TNN: variants seen among roughly 807,000 people sequenced by gnomAD.
TNN encodes tenascin N, also known as tenascin-N.
TNN carries 122 observed loss-of-function variants against 134.4 expected under a neutral mutation model. The observed-to-expected ratio is 0.91, with a 90% CI of 0.78 to 1.06. The LOEUF (loss-of-function observed/expected upper bound fraction) is 1.06, where lower values mean the gene tolerates loss of function less well. Among genes scored for constraint, TNN ranks in the 50% least tolerant of loss-of-function variants. The pLI, the probability that TNN is intolerant of heterozygous loss-of-function variation, is 0.00. For missense variants in TNN, 1,739 were observed against 1,699.4 expected (o/e 1.02, Z -0.41); for synonymous variants, 710 against 670.3 (o/e 1.06, Z -0.91).
At chr1:175,124,498 T>G (rs890532484) in intron 12 of TNN, among the ~76,000 whole-genome samples, 2 of 152,074 alleles carry the variant, frequency 1.3e-5, no homozygotes, top group Non-Finnish European at 2.9e-5. Context: ...CTGACCAACA[T>G]GGAGAAACCC....
chr1:175,129,531 A>C (rs1024742519), intron 15 of TNN, among the ~76,000 whole-genome samples: 1 of 150,764 alleles, frequency 6.6e-6, no homozygotes, highest in Non-Finnish European at 1.5e-5. Flanking sequence ...TGAGTTGATC[A>C]TCATCTAGTA....
intron 7 of TNN, among the ~76,000 whole-genome samples, chr1:175,097,077 G>A (rs1264035678): frequency 6.6e-6 from 1 of 152,188 alleles, no homozygotes; most frequent in Non-Finnish European, 1.5e-5. Flanking sequence ...TCTAGTACAA[G>A]GAGTCAGGAA....
intron 9 of TNN, among the ~76,000 whole-genome samples, chr1:175,099,358 GGAAGGAGGAGAGGT>G (rs1271297579): frequency 6.6e-6 from 1 of 151,892 alleles, no homozygotes; most frequent in Non-Finnish European, 1.5e-5. Context: ...TGAAGGGTCA[GGAAGGAGGAGAGGT>G]GAAGGGTCAA....
Position 175,098,523 on chromosome 1 carries a change from G to T in TNN, c.2047G>T (p.Glu683Ter), listed in dbSNP as rs1204656551. The T allele has an allele frequency of 6.2e-7, 1 of 1,614,072 alleles. No homozygotes were observed. The highest frequency in any genetic ancestry group is 8.5e-7 in the Non-Finnish European group (1 of 1,180,036). The change falls in exon 9 of 19, where the codon GAG (glutamate) becomes TAG (stop). Residue 683 changes from glutamate (E) to a stop codon, truncating the protein, a stop_gained. Coordinates refer to ENST00000239462, the MANE Select transcript of TNN (RefSeq NM_022093.2). LOFTEE classifies it high-confidence loss of function. ...CCTGACAGGCCTGAGACCGGGTATG[G>T]AGTACATGGTGCACGTGTGGGCCCA... ...TVLTGLRPGMEYMVHVWAQKG... is the reference protein window; with the variant it reads ...TVLTGLRPGM
chr1:175,111,486 CAAAAAAAAAAA>C (rs59538028), intron 9 of TNN, among the ~76,000 whole-genome samples: 2 of 62,536 alleles, frequency 3.2e-5, no homozygotes, highest in African/African-American at 5.8e-5. Context: ...GACTCTGTCT[CAAAAAAAAAAA>C]AAAAAAAAAA....
Position 175,143,182 on chromosome 1 carries a change from C to T in TNN, c.3596-1205C>T, listed in dbSNP as rs7533501. Among the ~76,000 whole-genome samples, 961 of 152,266 alleles carry T rather than the reference C, an allele frequency of 6.3e-3. 7 individuals carry two copies. The highest frequency in any genetic ancestry group is 0.022 in the African/African-American group (909 of 41,548). Reference sequence around the variant, plus strand: ...TAACCTTTTTGAATTTGTTTCCCCACGGGACTAAGAGCTGCCCTGCTCACT... The same window carrying T: ...TAACCTTTTTGAATTTGTTTCCCCATGGGACTAAGAGCTGCCCTGCTCACT... On this transcript the variant is annotated intron_variant, in intron 17 of 18. Transcript: ENST00000239462.
chr1:175,130,304 G>A (rs908228521), intron 15 of TNN, among the ~76,000 whole-genome samples: 2 of 152,230 alleles, frequency 1.3e-5, no homozygotes, highest in African/African-American at 4.8e-5. Flanking sequence ...CATCTGATGA[G>A]CAGCAATGAA....
chr1:175,135,821 T>G, intron 15 of TNN, 24 bp from the exon 16 acceptor site: 1 of 1,584,302 alleles, frequency 6.3e-7, no homozygotes, highest in South Asian at 1.1e-5. Flanking sequence ...AGGGTCAGAG[T>G]GAAGTATTCA....
In TNN at chr1:175,118,561, A is replaced by G. The variant is rs1675250383; in HGVS notation, c.2387A>G (p.Asp796Gly). The part of the protein sequence containing the change: ...SKKADTKAQT[D>G]IDSPQNLVTD... ...TATTGGTCAGCATTTTTTTTTTCAG[A>G]CATTGACAGCCCCCAAAACCTGGTC... The change falls in exon 11 of 19, where the codon GAC becomes GGC. Residue 796 changes from aspartate to glycine, a missense_variant and splice_region_variant. Asp to Gly is a moderately conservative substitution (Grantham distance 94). Transcript: ENST00000239462. The G allele has an allele frequency of 2.5e-6, 4 of 1,610,564 alleles. No individual in the cohort carries two copies. In the African/African-American group the frequency reaches 4.0e-5, roughly 16 times the overall value.
chr1:175,128,868 G>T lies in TNN; in HGVS notation c.3330+122G>T, dbSNP rs1412859655. 2.7e-6 allele frequency: 3 copies of T among 1,108,126 alleles called. No homozygotes were observed. In the East Asian group the frequency reaches 9.1e-5, roughly 34 times the overall value. The allele number at this position is 1,108,126 out of a possible 1,614,324, so 68.6% of individuals were successfully genotyped here. On this transcript the variant is annotated intron_variant, in intron 15 of 18. Transcript: ENST00000239462. Reference sequence around the variant, plus strand: ...TTTCTTCTCCACCCATGGAAGAGAGGAGTTTTGGTGGCTTGTAGCTGTTTT... The same window carrying T: ...TTTCTTCTCCACCCATGGAAGAGAGTAGTTTTGGTGGCTTGTAGCTGTTTT...
At chr1:175,090,498 G>A (rs991902418) in intron 6 of TNN, among the ~76,000 whole-genome samples, 11 of 151,954 alleles carry the variant, frequency 7.2e-5, no homozygotes, top group African/African-American at 2.4e-4. Context: ...TTTTCATCCC[G>A]TCAGTGCCAT....
intron 9 of TNN, among the ~76,000 whole-genome samples, chr1:175,111,751 G>C (rs1481648288): frequency 2.7e-5 from 4 of 149,848 alleles, no homozygotes; most frequent in African/African-American, 9.9e-5. Context: ...TTTAAAAGTA[G>C]CTATTGTAAA....
chr1:175,094,467 C>A (rs1179980544), intron 7 of TNN, among the ~76,000 whole-genome samples: 1 of 152,202 alleles, frequency 6.6e-6, no homozygotes, highest in African/African-American at 2.4e-5. Flanking sequence ...TGCAGAAGGT[C>A]ATACTTATTT....
At chr1:175,143,099 A>G (rs901505462) in intron 17 of TNN, among the ~76,000 whole-genome samples, 4 of 152,164 alleles carry the variant, frequency 2.6e-5, no homozygotes, top group Non-Finnish European at 4.4e-5. Context: ...CAGGACAGAG[A>G]TTTGAGTCCC....
chr1:175,093,709 G>A (rs1222018836), intron 6 of TNN, among the ~76,000 whole-genome samples: 1 of 152,174 alleles, frequency 6.6e-6, no homozygotes, highest in African/African-American at 2.4e-5. Flanking sequence ...ACCTAGGGTA[G>A]ACAATTAGAA....
intron 9 of TNN, among the ~76,000 whole-genome samples, chr1:175,100,009 T>C (rs778373633): frequency 2.4e-4 from 36 of 152,226 alleles, no homozygotes; most frequent in Non-Finnish European, 4.9e-4. Context: ...GTCTGGTCCA[T>C]GGAGAACCTG....
chr1:175,086,956 A>G (rs1185256428), intron 6 of TNN, among the ~76,000 whole-genome samples: 1 of 152,214 alleles, frequency 6.6e-6, no homozygotes, highest in Non-Finnish European at 1.5e-5. Context: ...ACAGCAATCC[A>G]ATGAAGTAGA....
At chr1:175,105,350 C>T (rs144999193) in intron 9 of TNN, among the ~76,000 whole-genome samples, 1,939 of 145,488 alleles carry the variant, frequency 0.013, 178 homozygotes, top group African/African-American at 0.045. Context: ...GGGACATAAC[C>T]GATAGCCCGG....
Position 175,082,646 on chromosome 1 carries a change from C to A in TNN, c.1049-1104C>A, listed in dbSNP as rs553567372. On this transcript the variant is annotated intron_variant, in intron 4 of 18. Transcript: ENST00000239462. Reference sequence around the variant, plus strand: ...TATCCATAACTGATTGAATCGGGGACGTTCAGAGCCCAGGGACCTTGAGAT... The same window carrying A: ...TATCCATAACTGATTGAATCGGGGAAGTTCAGAGCCCAGGGACCTTGAGAT... Among the ~76,000 whole-genome samples, 4 of 152,284 alleles carry A rather than the reference C, an allele frequency of 2.6e-5. No individual in the cohort carries two copies. In the East Asian group the frequency reaches 5.8e-4, roughly 22 times the overall value.
Sources: allele counts gnomAD v4.1 joint callset (sites outside exome capture counted in the v4.1 genomes callset), GRCh38; gene constraint gnomAD v4.1.1; transcripts MANE v1.5; gene names NCBI Gene and HGNC (gene_info 2026-07-23, HGNC 2026-07-21).